The following TUSC3 variants were observed in gnomAD, a reference collection of about 807,000 sequenced individuals.
The protein encoded by TUSC3 is dolichyl-diphosphooligosaccharide--protein glycosyltransferase subunit TUSC3.
Under a neutral mutation model 44.8 loss-of-function variants are expected in TUSC3, and 45 were observed. The observed-to-expected ratio is 1.00, with a 90% CI of 0.79 to 1.29. The LOEUF is 1.29. Among genes scored for constraint, TUSC3 ranks in the 50% most tolerant of loss-of-function variants. The pLI, the probability that TUSC3 is intolerant of heterozygous loss-of-function variation, is 0.00. For synonymous variants in TUSC3, 212 were observed against 152.9 expected (o/e 1.39, Z -2.85); for missense variants, 519 against 437.9 (o/e 1.19, Z -1.65).
intron 1 of TUSC3, among the ~76,000 whole-genome samples, chr8:15,572,666 T>G (rs1802922302): frequency 6.6e-6 from 1 of 152,156 alleles, no homozygotes; most frequent in Non-Finnish European, 1.5e-5. Flanking sequence ...AGCTTTTGAT[T>G]TAAAGTGAGA....
intron 1 of TUSC3, among the ~76,000 whole-genome samples, chr8:15,574,933 T>C (rs1488718901): frequency 6.6e-6 from 1 of 152,156 alleles, no homozygotes; most frequent in Non-Finnish European, 1.5e-5. Context: ...CTAACTATTC[T>C]AGTGTTATTG....
chr8:15,820,894 A>G, the TUSC3 span, among the ~76,000 whole-genome samples: 2 of 152,188 alleles, frequency 1.3e-5, no homozygotes, highest in African/African-American at 4.8e-5. Context: ...TGAGGTTGCA[A>G]TGTATGTAGA....
At chr8:15,645,648 CTGA>C (rs1461817532) in intron 2 of TUSC3, among the ~76,000 whole-genome samples, 2 of 152,150 alleles carry the variant, frequency 1.3e-5, no homozygotes, top group African/African-American at 2.4e-5. Context: ...ATAAATTTCA[CTGA>C]TGATTAAGAT....
chr8:15,561,037 T>G (rs915929728), intron 1 of TUSC3, among the ~76,000 whole-genome samples: 3 of 132,684 alleles, frequency 2.3e-5, no homozygotes, highest in African/African-American at 8.5e-5. Context: ...CTTTGTTCCG[T>G]TGTTGGTGAG....
At chr8:15,489,597 T>C (rs540505434) in intron 2 of TUSC3, among the ~76,000 whole-genome samples, 1 of 152,330 alleles carries the variant, frequency 6.6e-6, no homozygotes, top group Admixed American at 6.5e-5. Flanking sequence ...AGATATTTCA[T>C]TTCTTTCAGG....
the TUSC3 span, among the ~76,000 whole-genome samples, chr8:15,792,801 T>A: frequency 6.6e-6 from 1 of 151,950 alleles, no homozygotes; most frequent in African/African-American, 2.4e-5. Context: ...GTAGTTTTAG[T>A]AGAAACAGGG....
chr8:15,702,408 G>C (rs1296144624), intron 6 of TUSC3, among the ~76,000 whole-genome samples: 1 of 152,112 alleles, frequency 6.6e-6, no homozygotes, highest in Non-Finnish European at 1.5e-5. Context: ...CATATATGGA[G>C]CTGAAAACTG....
At chr8:15,495,000 C>A (rs1003460739) in intron 2 of TUSC3, among the ~76,000 whole-genome samples, 1 of 152,160 alleles carries the variant, frequency 6.6e-6, no homozygotes, top group Admixed American at 6.5e-5. Context: ...AAGGAACATG[C>A]AGTATTTGGT....
At chr8:15,640,916 G>A (rs1000741129) in intron 2 of TUSC3, among the ~76,000 whole-genome samples, 1 of 152,070 alleles carries the variant, frequency 6.6e-6, no homozygotes, top group African/African-American at 2.4e-5. Flanking sequence ...TTTATTTAAG[G>A]GAGTGATAAA....
chr8:15,506,378 T>G (rs1428893071), intron 2 of TUSC3, among the ~76,000 whole-genome samples: 1 of 152,184 alleles, frequency 6.6e-6, no homozygotes, highest in African/African-American at 2.4e-5. Context: ...TACTGTAACT[T>G]TCACTCCACA....
At chr8:15,602,398 T>A (rs1438738766) in intron 1 of TUSC3, among the ~76,000 whole-genome samples, 3 of 151,678 alleles carry the variant, frequency 2.0e-5, no homozygotes, top group South Asian at 2.1e-4. Context: ...ACTAAATAAG[T>A]TTTATTTCCC....
intron 1 of TUSC3, among the ~76,000 whole-genome samples, chr8:15,542,058 G>C (rs975240272): frequency 6.6e-6 from 1 of 151,324 alleles, no homozygotes; most frequent in African/African-American, 2.4e-5. Flanking sequence ...TGGAGGTCCT[G>C]ATGGCAGGTG....
intron 1 of TUSC3, among the ~76,000 whole-genome samples, chr8:15,437,330 C>T (rs1471177573): frequency 6.6e-6 from 1 of 152,156 alleles, no homozygotes; most frequent in African/African-American, 2.4e-5. Flanking sequence ...TCTAGACCTA[C>T]ATATCTCTGT....
intron 1 of TUSC3, among the ~76,000 whole-genome samples, chr8:15,594,600 C>G (rs1803987388): frequency 6.6e-6 from 1 of 152,244 alleles, no homozygotes; most frequent in African/African-American, 2.4e-5. Flanking sequence ...GAGCAACATT[C>G]AGTGTAGGGA....
chr8:15,649,001 C>G (rs1324802971), intron 2 of TUSC3, among the ~76,000 whole-genome samples: 2 of 152,028 alleles, frequency 1.3e-5, no homozygotes, highest in Non-Finnish European at 2.9e-5. Context: ...GAAACAGTAA[C>G]AGGCTAGGTC....
chr8:15,832,056 C>G, the TUSC3 span, among the ~76,000 whole-genome samples: 72 of 152,246 alleles, frequency 4.7e-4, no homozygotes, highest in African/African-American at 1.7e-3. Context: ...AAGGTCAAGT[C>G]ACCTACAAAC....
intron 1 of TUSC3, among the ~76,000 whole-genome samples, chr8:15,616,351 G>A (rs540722434): frequency 3.1e-4 from 47 of 152,210 alleles, no homozygotes; most frequent in African/African-American, 9.9e-4. Context: ...GCCATGGCGG[G>A]TGGATCACCT....
At chr8:15,692,375 G>GCT (rs1808948426) in intron 6 of TUSC3, among the ~76,000 whole-genome samples, 1 of 68,340 alleles carries the variant, frequency 1.5e-5, no homozygotes. Context: ...CCCCCCCTTT[G>GCT]TTTTTTTTTT....
intron 1 of TUSC3, among the ~76,000 whole-genome samples, chr8:15,556,566 G>A (rs576094203): frequency 1.3e-5 from 2 of 148,844 alleles, no homozygotes; most frequent in Admixed American, 1.3e-4. Context: ...CTAGATCCCT[G>A]AGGAATCGCC....
Sources: gnomAD v4.1 joint callset for allele counts (sites outside exome capture counted in the v4.1 genomes callset) on GRCh38, gnomAD v4.1.1 for gene constraint, MANE v1.5 for transcripts, NCBI Gene and HGNC (gene_info 2026-07-23, HGNC 2026-07-21) for gene names.